REDIC1: variants seen among roughly 807,000 people sequenced by gnomAD.
REDIC1 encodes HEI10 Interacting Protein 1.
the REDIC1 span, among the ~76,000 whole-genome samples, chr12:39,635,492 G>A: frequency 1.4e-4 from 21 of 152,010 alleles, no homozygotes; most frequent in African/African-American, 4.8e-4. Flanking sequence ...TGTCCTTTGC[G>A]GGGACCTGGA....
chr12:39,664,723 C>A, the REDIC1 span, among the ~76,000 whole-genome samples: 3 of 152,312 alleles, frequency 2.0e-5, no homozygotes, highest in East Asian at 5.8e-4. Flanking sequence ...TTCTCCATAT[C>A]CTCTCCAGCA....
the REDIC1 span, among the ~76,000 whole-genome samples, chr12:39,655,389 C>T: frequency 6.6e-6 from 1 of 152,076 alleles, no homozygotes; most frequent in African/African-American, 2.4e-5. Flanking sequence ...TGTGTTTAAA[C>T]AGCTAGACCT....
the REDIC1 span, among the ~76,000 whole-genome samples, chr12:39,696,921 C>T: frequency 1.3e-5 from 2 of 152,118 alleles, no homozygotes; most frequent in African/African-American, 2.4e-5. Flanking sequence ...AGTATGCCTA[C>T]AGGATCTAGA....
At chr12:39,846,816 G>A in the REDIC1 span, among the ~76,000 whole-genome samples, 1 of 152,110 alleles carries the variant, frequency 6.6e-6, no homozygotes, top group African/African-American at 2.4e-5. Flanking sequence ...ATCTATCTCA[G>A]TCTTTCTGAA....
the REDIC1 span, among the ~76,000 whole-genome samples, chr12:39,714,084 C>CGTATGTATGCGTGTATATGT: frequency 1.5e-3 from 83 of 56,618 alleles, no homozygotes; most frequent in African/African-American, 4.7e-3. Context: ...TGTATATACA[C>CGTATGTATGCGTGTATATGT]ATATATGTAC....
chr12:39,782,171 A>G, the REDIC1 span, among the ~76,000 whole-genome samples: 5 of 152,322 alleles, frequency 3.3e-5, no homozygotes, highest in East Asian at 7.7e-4. Flanking sequence ...TGCTTTTATT[A>G]CAAAGTAAGA....
chr12:39,893,543 G>A, the REDIC1 span, among the ~76,000 whole-genome samples: 1 of 152,286 alleles, frequency 6.6e-6, no homozygotes, highest in South Asian at 2.1e-4. Context: ...CAGGTGATCT[G>A]CCCGCCTTGG....
the REDIC1 span, among the ~76,000 whole-genome samples, chr12:39,878,204 A>G: frequency 6.6e-6 from 1 of 152,242 alleles, no homozygotes; most frequent in East Asian, 1.9e-4. Context: ...ATGCAAGAAC[A>G]GCCTAATACA....
the REDIC1 span, among the ~76,000 whole-genome samples, chr12:39,763,884 G>A: frequency 2.6e-5 from 4 of 152,058 alleles, no homozygotes; most frequent in African/African-American, 4.8e-5. Context: ...GAATACTTCC[G>A]TCATGTTTAC....
chr12:39,841,944 T>C, the REDIC1 span, among the ~76,000 whole-genome samples: 1 of 152,052 alleles, frequency 6.6e-6, no homozygotes, highest in African/African-American at 2.4e-5. Flanking sequence ...TCACAGACAG[T>C]TTACCATGCA....
chr12:39,673,322 A>G, the REDIC1 span, among the ~76,000 whole-genome samples: 1 of 152,182 alleles, frequency 6.6e-6, no homozygotes, highest in East Asian at 1.9e-4. Flanking sequence ...TTTATTAGTT[A>G]GTAGAGTCGG....
the REDIC1 span, chr12:39,647,959 A>T: frequency 3.2e-6 from 5 of 1,560,000 alleles, no homozygotes; most frequent in Non-Finnish European, 4.3e-6. Context: ...TTGCATATGA[A>T]AAAAAGCAGA....
chr12:39,748,747 A>C, the REDIC1 span, among the ~76,000 whole-genome samples: 1 of 152,222 alleles, frequency 6.6e-6, no homozygotes, highest in African/African-American at 2.4e-5. Context: ...GCCAAACTAG[A>C]ACTGAAGATT....
At chr12:39,895,920 A>G in the REDIC1 span, among the ~76,000 whole-genome samples, 1 of 137,612 alleles carries the variant, frequency 7.3e-6, no homozygotes, top group African/African-American at 2.5e-5. Flanking sequence ...ATGTATGCAT[A>G]TATGTGTATA....
chr12:39,776,027 C>T, the REDIC1 span, among the ~76,000 whole-genome samples: 1 of 152,280 alleles, frequency 6.6e-6, no homozygotes. Flanking sequence ...GTAGTTGTGA[C>T]AGTATTAATT....
chr12:39,856,887 G>A, the REDIC1 span, among the ~76,000 whole-genome samples: 6 of 152,096 alleles, frequency 3.9e-5, no homozygotes, highest in Admixed American at 1.3e-4. Context: ...TAGGGGCCTT[G>A]TTTCATATTT....
chr12:39,820,761 A>G, the REDIC1 span, among the ~76,000 whole-genome samples: 1 of 10,750 alleles, frequency 9.3e-5, no homozygotes, highest in Non-Finnish European at 1.5e-4. Context: ...ATATATATAT[A>G]TATATATATA....
the REDIC1 span, among the ~76,000 whole-genome samples, chr12:39,823,618 A>ATAT: frequency 0.21 from 32,359 of 151,606 alleles, 4,490 homozygotes; most frequent in Non-Finnish European, 0.3. Flanking sequence ...GATGATGATG[A>ATAT]TATTATTATT....
the REDIC1 span, among the ~76,000 whole-genome samples, chr12:39,634,124 T>C: frequency 6.6e-6 from 1 of 152,288 alleles, no homozygotes; most frequent in Non-Finnish European, 1.5e-5. Context: ...TGGTTTGTAG[T>C]TCTCCTTGAA....
Sources: gnomAD v4.1 joint callset for allele counts (sites outside exome capture counted in the v4.1 genomes callset) on GRCh38, gnomAD v4.1.1 for gene constraint, MANE v1.5 for transcripts, NCBI Gene and HGNC (gene_info 2026-07-23, HGNC 2026-07-21) for gene names.